POLA1: variants seen among roughly 807,000 people sequenced by gnomAD.
POLA1 encodes the protein DNA polymerase alpha 1, catalytic subunit.
Under a neutral mutation model 124.0 loss-of-function variants are expected in POLA1, and 15 were observed. That is an observed-to-expected ratio of 0.12 (90% CI 0.08 to 0.19). The LOEUF (loss-of-function observed/expected upper bound fraction) is 0.19. Ranked by LOEUF, POLA1 falls within the 10% of genes least tolerant of loss-of-function variation. The pLI, the probability that POLA1 is intolerant of heterozygous loss-of-function variation, is 1.00. For missense variants in POLA1, 886 were observed against 1,103.4 expected, an observed-to-expected ratio of 0.80 and a Z score of 2.79; for synonymous variants, 408 against 389.4, an observed-to-expected ratio of 1.05 and a Z score of -0.56.
In POLA1 at chrX:24,723,176, A is replaced by G. The variant is rs61756361; in HGVS notation, c.1109A>G (p.Lys370Arg). The change falls in exon 11 of 37, where the codon AAA becomes AGA. Residue 370 changes from lysine (K) to arginine (R), a missense_variant. Around this residue, in one of 7 missense-constraint regions of POLA1, gnomAD observed 337 missense variants for 402.8 expected, o/e 0.84. Transcript: ENST00000379068. ...NQPGVVFLFGKVWIESAETHV... is the reference protein window; with the variant it reads ...NQPGVVFLFGRVWIESAETHV... ...TCAGGTGTGGTATTTCTGTTTGGGA[A>G]AGTTTGGATTGAATCAGCCGAGACC... The G allele has an allele frequency of 9.2e-6, 11 of 1,201,702 alleles. No individual in the cohort carries two copies. Among genetic ancestry groups the G allele is most frequent in the Non-Finnish European group, 1.2e-5 (11 of 886,701 alleles).
At chrX:24,765,439 G>T (rs746503173) in intron 26 of POLA1, among the ~76,000 whole-genome samples, 1 of 109,289 alleles carries the variant, frequency 9.2e-6, no homozygotes, top group East Asian at 2.9e-4. Flanking sequence ...GGGATTACAG[G>T]CACGCACCAC....
intron 36 of POLA1, among the ~76,000 whole-genome samples, chrX:24,966,845 A>G (rs1254970003): frequency 4.4e-5 from 5 of 112,615 alleles, no homozygotes; most frequent in African/African-American, 1.6e-4. Context: ...TGCACACTGT[A>G]ATAAAGAAAT....
chrX:24,710,567 G>A (rs1274968776), intron 4 of POLA1, among the ~76,000 whole-genome samples: 1 of 110,806 alleles, frequency 9.0e-6, no homozygotes, highest in Non-Finnish European at 1.9e-5. Flanking sequence ...ATTGTATGTA[G>A]TGCTACTATG....
At chrX:24,754,945 C>T (rs1932521837) in intron 26 of POLA1, among the ~76,000 whole-genome samples, 1 of 112,250 alleles carries the variant, frequency 8.9e-6, no homozygotes, top group Admixed American at 9.4e-5. Flanking sequence ...TTAATTCTGC[C>T]ATCATCCATA....
chrX:24,700,588 A>G (rs1250509928), intron 2 of POLA1, among the ~76,000 whole-genome samples: 1 of 111,782 alleles, frequency 8.9e-6, no homozygotes, highest in Non-Finnish European at 1.9e-5. Flanking sequence ...GGTTCACTGC[A>G]GCTTCCACCT....
At chrX:24,961,759 G>T (rs1362689218) in intron 36 of POLA1, among the ~76,000 whole-genome samples, 1 of 111,364 alleles carries the variant, frequency 9.0e-6, no homozygotes, top group East Asian at 2.8e-4. Context: ...AAAAAAATCT[G>T]CCCAGACCAG....
intron 35 of POLA1, among the ~76,000 whole-genome samples, chrX:24,905,269 G>C: frequency 9.2e-6 from 1 of 109,163 alleles, no homozygotes; most frequent in South Asian, 4.0e-4. Flanking sequence ...GAAGTCAATT[G>C]CCTGCTAAAA....
At position 24,788,914 on chromosome X, in the gene POLA1, G is replaced by A. The variant is rs748275116; in HGVS notation, c.2965-20984G>A. The A allele has an allele frequency of 3.3e-6, 4 of 1,200,659 alleles. No individual in the cohort carries two copies. The African/African-American group carries it at 7.0e-5, about 21-fold the overall frequency. ...ACTTGATGTGATTATACCAACGTAG[G>A]GCATGACACAAGTCGGCAGGCAGTG... On this transcript the variant is annotated intron_variant, in intron 26 of 36. Transcript: ENST00000379068.
At chrX:24,811,141 G>T (rs771544906) in intron 28 of POLA1, among the ~76,000 whole-genome samples, 1 of 109,784 alleles carries the variant, frequency 9.1e-6, no homozygotes, top group East Asian at 2.9e-4. Context: ...TTTTTGTAGA[G>T]ATTTTTTTTG....
intron 34 of POLA1, among the ~76,000 whole-genome samples, chrX:24,872,726 G>A (rs1329596336): frequency 9.0e-6 from 1 of 111,414 alleles, no homozygotes; most frequent in Admixed American, 9.6e-5. Context: ...CACGTCAGTA[G>A]GAATAATCAT....
At chrX:24,795,320 C>T (rs897787096) in intron 26 of POLA1, among the ~76,000 whole-genome samples, 1 of 111,672 alleles carries the variant, frequency 9.0e-6, no homozygotes, top group African/African-American at 3.3e-5. Flanking sequence ...ATAACTGGTT[C>T]GTAAATGACT....
chrX:24,784,978 A>C (rs1287030895), intron 26 of POLA1, among the ~76,000 whole-genome samples: 2 of 111,910 alleles, frequency 1.8e-5, no homozygotes, highest in Non-Finnish European at 3.8e-5. Flanking sequence ...ATGATGCAAA[A>C]ATTCAGGTCA....
chrX:24,785,701 A>G (rs1448664136), intron 26 of POLA1, among the ~76,000 whole-genome samples: 1 of 112,181 alleles, frequency 8.9e-6, no homozygotes, highest in Non-Finnish European at 1.9e-5. Flanking sequence ...ATTATATATG[A>G]AAGGTGTACA....
intron 36 of POLA1, among the ~76,000 whole-genome samples, chrX:24,934,046 TA>T (rs2047816794): frequency 1.8e-5 from 2 of 111,810 alleles, no homozygotes; most frequent in African/African-American, 6.5e-5. Context: ...TACAGGAACA[TA>T]GGGGCAATCT....
intron 34 of POLA1, among the ~76,000 whole-genome samples, chrX:24,851,245 G>A (rs10521670): frequency 8.9e-6 from 1 of 111,822 alleles, no homozygotes; most frequent in Non-Finnish European, 1.9e-5. Context: ...TGTGCCTAAC[G>A]TGATAGGTGC....
chrX:24,736,416 C>T (rs1931278204), intron 18 of POLA1, among the ~76,000 whole-genome samples: 1 of 111,593 alleles, frequency 9.0e-6, no homozygotes, highest in African/African-American at 3.3e-5. Context: ...CAGCACCAGG[C>T]CCTCAGTCAG....
intron 36 of POLA1, among the ~76,000 whole-genome samples, chrX:24,973,394 A>AG (rs1384207582): frequency 1.8e-5 from 2 of 109,037 alleles, no homozygotes; most frequent in African/African-American, 7.0e-5. Context: ...AAAGAAAAAG[A>AG]AAGAGAGAGA....
At chrX:24,841,884 C>A in intron 33 of POLA1, 54 bp downstream of exon 33, 2 of 904,270 alleles carry the variant, frequency 2.2e-6, no homozygotes, top group Non-Finnish European at 3.2e-6. Context: ...AGGCCTTACC[C>A]CCTTCCCCCA....
rs921278259 is a variant in POLA1, at chrX:24,713,242, C to T, written c.347-1312C>T. 7.2e-5 allele frequency among the ~76,000 whole-genome samples: 8 copies of T among 111,454 alleles called. No homozygotes were observed. The East Asian group carries it at 1.1e-3, about 16-fold the overall frequency. ...CCTCCCAAAGTGCTGGGATTACAGG[C>T]GTGAGCCACCGCGCCTGGCCTACCA... is the stretch of plus-strand genomic sequence containing the variant. On this transcript the variant is annotated intron_variant, in intron 4 of 36. Transcript: ENST00000379068.
Sources: gnomAD v4.1 joint callset for allele counts (sites outside exome capture counted in the v4.1 genomes callset) on GRCh38, gnomAD v4.1.1 for gene constraint, gnomAD v4.1.1 regional missense constraint, MANE v1.5 for transcripts, NCBI Gene and HGNC (gene_info 2026-07-23, HGNC 2026-07-21) for gene names.